PTPRN2: variants seen among roughly 807,000 people sequenced by gnomAD.
PTPRN2 encodes receptor-type tyrosine-protein phosphatase N2.
In PTPRN2, 74 loss-of-function variants were observed where a neutral mutation model predicts 118.8. The observed-to-expected ratio is 0.62, with a 90% CI of 0.52 to 0.76. PTPRN2 has a LOEUF of 0.76. Among genes scored for constraint, PTPRN2 ranks in the 30% least tolerant of loss-of-function variants. The probability of loss-of-function intolerance (pLI) is 0.00; values close to 1 mark genes in which losing one functional copy is unlikely to be tolerated. For missense variants in PTPRN2, 1,481 were observed against 1,394.4 expected (o/e 1.06, Z -0.99); for synonymous variants, 641 against 608.0 (o/e 1.05, Z -0.80).
intron 9 of PTPRN2, among the ~76,000 whole-genome samples, chr7:158,132,950 A>T (rs983455808): frequency 6.6e-6 from 1 of 152,166 alleles, no homozygotes; most frequent in Non-Finnish European, 1.5e-5. Context: ...CAATTCTATC[A>T]CTTGAAGAAA....
chr7:158,195,654 T>C (rs966890226), intron 4 of PTPRN2, among the ~76,000 whole-genome samples: 1 of 151,898 alleles, frequency 6.6e-6, no homozygotes, highest in East Asian at 1.9e-4. Flanking sequence ...TGTTTCCTTA[T>C]GGATAGTTCC....
chr7:158,380,695 C>T lies in PTPRN2; in HGVS notation c.164-63763G>A, dbSNP rs374597725. Among the ~76,000 whole-genome samples, 11 of 152,238 alleles carry T rather than the reference C, an allele frequency of 7.2e-5. No individual in the cohort carries two copies. The East Asian group carries it at 2.1e-3, about 29-fold the overall frequency. Reference sequence around the variant, plus strand: ...CTTCTCACAGCTCCACTAGACAGTGCCCCAGTAGGGACTCTGTGTGCAGGT... The same window carrying T: ...CTTCTCACAGCTCCACTAGACAGTGTCCCAGTAGGGACTCTGTGTGCAGGT... On this transcript the variant is annotated intron_variant, in intron 2 of 22. Transcript: ENST00000389418.
chr7:157,582,177 C>G (rs1227267806), intron 17 of PTPRN2, among the ~76,000 whole-genome samples: 1 of 152,228 alleles, frequency 6.6e-6, no homozygotes, highest in Admixed American at 6.5e-5. Flanking sequence ...CTTCACCCAT[C>G]AAATCACCCA....
intron 12 of PTPRN2, among the ~76,000 whole-genome samples, chr7:157,724,042 T>C (rs1296229555): frequency 1.3e-5 from 2 of 151,904 alleles, no homozygotes; most frequent in East Asian, 3.9e-4. Context: ...CCCGTCTGAA[T>C]TGTGCTGGTG....
At chr7:158,130,133 T>C (rs1444681633) in intron 9 of PTPRN2, among the ~76,000 whole-genome samples, 2 of 152,204 alleles carry the variant, frequency 1.3e-5, no homozygotes, top group East Asian at 3.8e-4. Context: ...TGCCCAATTA[T>C]GATATGCAGC....
chr7:157,602,586 A>G (rs895498462), intron 16 of PTPRN2, among the ~76,000 whole-genome samples: 2 of 151,712 alleles, frequency 1.3e-5, no homozygotes, highest in Non-Finnish European at 2.9e-5. Context: ...CTCCACCATC[A>G]GTGACCGCTG....
At chr7:158,271,015 C>CA (rs1272584607) in intron 3 of PTPRN2, among the ~76,000 whole-genome samples, 3 of 121,546 alleles carry the variant, frequency 2.5e-5, no homozygotes, top group East Asian at 2.4e-4. Flanking sequence ...TGGACCACCC[C>CA]TCCACCTGGA....
intron 4 of PTPRN2, among the ~76,000 whole-genome samples, chr7:158,197,126 C>T (rs1448574192): frequency 6.6e-6 from 1 of 152,180 alleles, no homozygotes; most frequent in Non-Finnish European, 1.5e-5. Context: ...GGTATGTCTC[C>T]AAACACAGCA....
At chr7:157,578,892 A>C (rs1800200906) in intron 17 of PTPRN2, among the ~76,000 whole-genome samples, 2 of 152,270 alleles carry the variant, frequency 1.3e-5, no homozygotes, top group South Asian at 4.1e-4. Context: ...TGGCATTTGT[A>C]GATTTTTATT....
intron 13 of PTPRN2, among the ~76,000 whole-genome samples, chr7:157,669,025 A>G (rs1359478079): frequency 6.6e-6 from 1 of 152,250 alleles, no homozygotes; most frequent in Non-Finnish European, 1.5e-5. Flanking sequence ...CTGGGAGCAG[A>G]GGAGCAGTAA....
intron 11 of PTPRN2, among the ~76,000 whole-genome samples, chr7:157,907,818 C>G (rs572778333): frequency 1.3e-5 from 2 of 152,154 alleles, no homozygotes; most frequent in Non-Finnish European, 2.9e-5. Flanking sequence ...GTCCTCAGGC[C>G]CTGACTGGCA....
At chr7:157,746,668 G>C (rs1365904835) in intron 12 of PTPRN2, among the ~76,000 whole-genome samples, 2 of 152,138 alleles carry the variant, frequency 1.3e-5, no homozygotes, top group East Asian at 1.9e-4. Flanking sequence ...CAGTCTTCAC[G>C]GGGCCCTGAG....
In PTPRN2 at chr7:158,152,173, C is replaced by CAAAAAAAAAA. The variant is rs56870265; in HGVS notation, c.911-13668_911-13659dup. 6.0e-5 allele frequency among the ~76,000 whole-genome samples: 5 copies of CAAAAAAAAAA among 83,362 alleles called. 1 individual carries two copies. The highest frequency in any genetic ancestry group is 9.2e-5 in the African/African-American group (2 of 21,802). The allele number at this position is 83,362 out of a possible 152,430, so 54.7% of individuals were successfully genotyped here. Reference sequence around the variant, plus strand: ...TGGGTGAAAGAGTGAGACTCTGTCTCAAAAAAAAAAAAAAAAAACCATGAA... The same window carrying CAAAAAAAAAA: ...TGGGTGAAAGAGTGAGACTCTGTCTCAAAAAAAAAAAAAAAAAAAAAAAAAAAACCATGAA... On this transcript the variant is annotated intron_variant, in intron 6 of 22. Coordinates refer to ENST00000389418, the MANE Select transcript of PTPRN2 (RefSeq NM_002847.5).
At chr7:157,580,503 C>CACA (rs1800294588) in intron 17 of PTPRN2, among the ~76,000 whole-genome samples, 1 of 148,526 alleles carries the variant, frequency 6.7e-6, no homozygotes, top group African/African-American at 2.5e-5. Context: ...ACCTGCACAC[C>CACA]GTGGCACCTG....
At chr7:158,117,601 A>G (rs1279482846) in intron 9 of PTPRN2, among the ~76,000 whole-genome samples, 1 of 152,242 alleles carries the variant, frequency 6.6e-6, no homozygotes, top group African/African-American at 2.4e-5. Context: ...AAATTAACTC[A>G]GAGACACATT....
intron 6 of PTPRN2, among the ~76,000 whole-genome samples, chr7:158,147,393 C>A (rs868571682): frequency 0.012 from 285 of 24,780 alleles, 2 homozygotes; most frequent in South Asian, 0.017. Flanking sequence ...TCTCACGCCA[C>A]GTGTCTTTCC....
At chr7:158,466,341 C>G (rs1819384946) in intron 2 of PTPRN2, among the ~76,000 whole-genome samples, 1 of 152,144 alleles carries the variant, frequency 6.6e-6, no homozygotes, top group Non-Finnish European at 1.5e-5. Flanking sequence ...AAACCATAAC[C>G]AGCTTTCCAC....
At chr7:158,020,316 C>T (rs1312952070) in intron 11 of PTPRN2, among the ~76,000 whole-genome samples, 7 of 152,198 alleles carry the variant, frequency 4.6e-5, no homozygotes, top group South Asian at 4.1e-4. Flanking sequence ...TGGGTAGAGA[C>T]GCAGAAAGAC....
intron 2 of PTPRN2, among the ~76,000 whole-genome samples, chr7:158,470,792 C>T (rs534404991): frequency 2.0e-5 from 3 of 151,866 alleles, no homozygotes; most frequent in Non-Finnish European, 4.4e-5. Context: ...CAGTGAAATG[C>T]GTGACCTTAG....
Sources: gnomAD v4.1 joint callset for allele counts (sites outside exome capture counted in the v4.1 genomes callset) on GRCh38, gnomAD v4.1.1 for gene constraint, MANE v1.5 for transcripts, NCBI Gene and HGNC (gene_info 2026-07-23, HGNC 2026-07-21) for gene names.